The following RPS6KA2 variants were observed in gnomAD, a reference collection of about 807,000 sequenced individuals.
RPS6KA2 encodes ribosomal protein S6 kinase A2.
RPS6KA2 carries 42 observed loss-of-function variants against 91.8 expected under a neutral mutation model. That is an observed-to-expected ratio of 0.46 (90% CI 0.36 to 0.59). The LOEUF is 0.59. RPS6KA2 is among the 20% of genes least tolerant of loss of function. The pLI, the probability that RPS6KA2 is intolerant of heterozygous loss-of-function variation, is 0.00. For missense variants in RPS6KA2, 798 were observed against 978.5 expected, an observed-to-expected ratio of 0.82 and a Z score of 2.46; for synonymous variants, 414 against 393.6, an observed-to-expected ratio of 1.05 and a Z score of -0.61.
intron 2 of RPS6KA2, among the ~76,000 whole-genome samples, chr6:166,799,320 A>G (rs948002919): frequency 6.6e-6 from 1 of 152,240 alleles, no homozygotes; most frequent in African/African-American, 2.4e-5. Flanking sequence ...ATTTTAATCA[A>G]TTGTATACTA....
intron 1 of RPS6KA2, among the ~76,000 whole-genome samples, chr6:166,558,485 A>G (rs889955934): frequency 6.6e-5 from 10 of 152,202 alleles, no homozygotes; most frequent in African/African-American, 2.4e-4. Flanking sequence ...AGGGTTAACT[A>G]AATATCTGTG....
In RPS6KA2 at chr6:166,448,670, C is replaced by A. The variant is rs1779754597; in HGVS notation, c.1332+54G>T. The A allele has an allele frequency of 1.9e-6, 3 of 1,551,788 alleles. No homozygotes were observed. ...TCCGTGCTCCCACATACCACACGTG[C>A]TCCCACGCGCTGCACTCACACAGGG... On this transcript the variant is annotated intron_variant, in intron 14 of 20. Transcript: ENST00000265678. The surrounding 1 kb of genome is among the most constrained non-coding windows in gnomAD (Gnocchi z 4.7).
At chr6:166,443,035 T>C (rs1453801617) in intron 14 of RPS6KA2, among the ~76,000 whole-genome samples, 2 of 152,186 alleles carry the variant, frequency 1.3e-5, no homozygotes, top group African/African-American at 4.8e-5. Context: ...AAACGGTCCA[T>C]TAACACATAT....
At chr6:166,544,839 G>A (rs906501744) in intron 1 of RPS6KA2, 5 of 152,152 alleles carry the variant, frequency 3.3e-5, no homozygotes, top group African/African-American at 9.7e-5. Flanking sequence ...CAATTCCTTA[G>A]GAAACCATTT....
intron 1 of RPS6KA2, among the ~76,000 whole-genome samples, chr6:166,565,220 T>C (rs1416939473): frequency 6.6e-6 from 1 of 152,178 alleles, no homozygotes; most frequent in African/African-American, 2.4e-5. Context: ...GTGATTTAAG[T>C]CACCGCCAAT....
rs1779270879 is a variant in RPS6KA2, at chr6:166,435,689, C to A, written c.1333-3199G>T. ...CAGGGTAGAGCCAGCGGTCTTTCAGCAAACATCTGGTTTGCTCCTGAGGGG... is the reference window on the plus strand; with the variant it reads ...CAGGGTAGAGCCAGCGGTCTTTCAGAAAACATCTGGTTTGCTCCTGAGGGG... On this transcript the variant is annotated intron_variant, in intron 14 of 20. Transcript: ENST00000265678. This position sits in a 1 kb window ranked among gnomAD's most constrained non-coding sequence, Gnocchi z 4.3. Among the ~76,000 whole-genome samples, 1 of 152,264 alleles carries A rather than the reference C, an allele frequency of 6.6e-6. No homozygotes were observed. Among genetic ancestry groups the A allele is most frequent in the Non-Finnish European group, 1.5e-5 (1 of 68,040 alleles).
intron 10 of RPS6KA2, among the ~76,000 whole-genome samples, chr6:166,482,438 G>A (rs1423519517): frequency 6.6e-6 from 1 of 152,218 alleles, no homozygotes; most frequent in African/African-American, 2.4e-5. Context: ...GCCCTTGCTG[G>A]GGGAGGAATG....
intron 2 of RPS6KA2, among the ~76,000 whole-genome samples, chr6:166,802,728 C>G (rs747438515): frequency 2.4e-4 from 37 of 152,158 alleles, no homozygotes; most frequent in Non-Finnish European, 1.3e-4. Flanking sequence ...TCAGCCAATT[C>G]CTCGGACGAA....
chr6:166,588,050 T>G (rs1218641676), intron 1 of RPS6KA2, among the ~76,000 whole-genome samples: 1 of 152,238 alleles, frequency 6.6e-6, no homozygotes, highest in Non-Finnish European at 1.5e-5. Context: ...TAGAGAATTC[T>G]CGTATCATGA....
chr6:166,544,485 C>T (rs1352746051), intron 1 of RPS6KA2: 1 of 152,176 alleles, frequency 6.6e-6, no homozygotes, highest in Non-Finnish European at 1.5e-5. Flanking sequence ...TGACAAAAAT[C>T]CTCCAGTAGG....
At position 166,522,334 on chromosome 6, in the gene RPS6KA2, C is replaced by T. The variant is rs796549815; in HGVS notation, c.298+8898G>A. 1.3e-4 allele frequency among the ~76,000 whole-genome samples: 20 copies of T among 152,298 alleles called. 1 individual carries two copies. Among genetic ancestry groups the T allele is most frequent in the African/African-American group, 3.4e-4 (14 of 41,562 alleles). On this transcript the variant is annotated intron_variant, in intron 3 of 20. Coordinates refer to ENST00000265678, the MANE Select transcript of RPS6KA2 (RefSeq NM_021135.6). ...CCTAAGGAAACCACTGTGTTGGGGA[C>T]GTAGTGGATGCCGCACTGACCGTGC... is the stretch of plus-strand genomic sequence containing the variant.
At chr6:166,579,708 A>G (rs985161333) in intron 1 of RPS6KA2, among the ~76,000 whole-genome samples, 3 of 152,138 alleles carry the variant, frequency 2.0e-5, no homozygotes, top group Non-Finnish European at 4.4e-5. Context: ...CTTTGGCAGA[A>G]GAAGACCAGT....
At chr6:166,627,863 A>C (rs1423813137), upstream of RPS6KA2, 2 of 152,294 alleles carry the variant, frequency 1.3e-5, no homozygotes, top group African/African-American at 4.8e-5. Context: ...AAACGCAGCC[A>C]AAACCTCAGC....
At chr6:166,428,270 G>C (rs1778997197) in intron 16 of RPS6KA2, among the ~76,000 whole-genome samples, 2 of 150,276 alleles carry the variant, frequency 1.3e-5, no homozygotes, top group African/African-American at 5.0e-5. Context: ...GCTGAAACTG[G>C]ATCCCTTCCT....
intron 3 of RPS6KA2, among the ~76,000 whole-genome samples, chr6:166,525,805 T>C (rs1056752522): frequency 1.3e-5 from 2 of 152,208 alleles, no homozygotes; most frequent in Non-Finnish European, 2.9e-5. Flanking sequence ...GTTCCTTCTT[T>C]CTCCTTGACA....
rs913725245 is a variant in RPS6KA2, at chr6:166,432,439, G to A, written c.1384C>T (p.Arg462Trp). The A allele has an allele frequency of 8.1e-6, 13 of 1,613,566 alleles. No homozygotes were observed. The highest frequency in any genetic ancestry group is 1.0e-5 in the Non-Finnish European group (12 of 1,179,546). Residue 462 changes from arginine to tryptophan, a missense_variant, in exon 15 of 21, where the codon CGG (arginine) becomes TGG (tryptophan). Physicochemically the swap from Arg to Trp is moderately radical, Grantham distance 101. Transcript: ENST00000265678. ...DPSEEIEILL[R>W]YGQHPNIITL... ...ATGATGTTCGGGTGCTGGCCGTACC[G>A]CAGGAGGATCTCAATCTCTTCCGAG...
At chr6:166,470,033 T>C in intron 10 of RPS6KA2, 128 bp from the exon 11 acceptor site, 1 of 813,040 alleles carries the variant, frequency 1.2e-6, no homozygotes, top group South Asian at 1.5e-5. Flanking sequence ...CAGAGGCTGC[T>C]CACTCCTGCC....
intron 3 of RPS6KA2, among the ~76,000 whole-genome samples, chr6:166,511,195 C>T (rs1335005429): frequency 6.6e-6 from 1 of 152,114 alleles, no homozygotes; most frequent in Non-Finnish European, 1.5e-5. Context: ...CTTCATGTCC[C>T]TTTGTAACAA....
In RPS6KA2 at chr6:166,459,542, G is replaced by C; in HGVS notation, c.982C>G (p.Arg328Gly). Residue 328 changes from arginine to glycine, a missense_variant, in exon 12 of 21, where the codon CGG (arginine) becomes GGG (glycine). Arg to Gly is a moderately radical substitution (Grantham distance 125). Coordinates refer to ENST00000265678, the MANE Select transcript of RPS6KA2 (RefSeq NM_021135.6). The surrounding 1 kb of genome is among the most constrained non-coding windows in gnomAD (Gnocchi z 4.9). ...FVTIDWNTLY[R>G]KEIKPPFKPA... ...TTGAACGGTGGCTTGATCTCCTTCC[G>C]GTACAGCGTCTATTAATACAAGGAA... 6.2e-7 allele frequency: 1 copy of C among 1,612,554 alleles called. No homozygotes were observed. The highest frequency in any genetic ancestry group is 1.3e-5 in the African/African-American group (1 of 74,980).
Sources: gnomAD v4.1 joint callset for allele counts (sites outside exome capture counted in the v4.1 genomes callset) on GRCh38, gnomAD v4.1.1 for gene constraint, Gnocchi (gnomAD v3.1) non-coding constraint, MANE v1.5 for transcripts, NCBI Gene and HGNC (gene_info 2026-07-23, HGNC 2026-07-21) for gene names.